SLC25A45: variants seen among roughly 807,000 people sequenced by gnomAD.
SLC25A45 encodes the protein methylated amino-acid transporter SLC25A45.
In SLC25A45, 22 loss-of-function variants were observed where a neutral mutation model predicts 23.0. The ratio of observed to expected loss-of-function variants is 0.95; its 90% CI spans 0.68 to 1.36. The LOEUF (loss-of-function observed/expected upper bound fraction) is 1.36. Ranked by LOEUF, SLC25A45 falls within the 40% of genes most tolerant of loss-of-function variation. SLC25A45 has a pLI of 0.00. For synonymous variants in SLC25A45, 136 were observed against 155.0 expected (o/e 0.88, Z 0.91); for missense variants, 355 against 383.5 (o/e 0.93, Z 0.62).
chr11:65,380,034 G>T, intron 3 of SLC25A45, 96 bp from the exon 4 acceptor site: 2 of 1,582,486 alleles, frequency 1.3e-6, no homozygotes, highest in Non-Finnish European at 1.7e-6. Context: ...CAGCAGGAGA[G>T]GCAGGAAAGG....
chr11:65,376,526 T>C lies in SLC25A45; in HGVS notation c.748A>G (p.Ile250Val), dbSNP rs2137764711. The change falls in exon 7 of 7, where the codon ATC becomes GTC. Residue 250 changes from isoleucine (I) to valine (V), a missense_variant. By Grantham distance (29) the Ile-to-Val change is conservative. Transcript: ENST00000398802. ...QGMLDCMVSSIRQEGLGVFFR... is the reference protein window; with the variant it reads ...QGMLDCMVSSVRQEGLGVFFR... The stretch of plus-strand genomic sequence containing the variant: ...AAGACTCCCAGTCCTTCCTGCCGGA[T>C]GCTGCTCACCATGCAGTCCAGCATC... 1 of 1,614,210 alleles carries C rather than the reference T, an allele frequency of 6.2e-7. No individual in the cohort carries two copies. The highest frequency in any genetic ancestry group is 8.5e-7 in the Non-Finnish European group (1 of 1,180,036).
intron 5 of SLC25A45, chr11:65,377,385 G>T (rs1418205261): frequency 4.9e-6 from 6 of 1,228,218 alleles, no homozygotes; most frequent in East Asian, 8.4e-5. Context: ...GCAGGAGCAG[G>T]TTGGTTTCTG....
At chr11:65,378,784 G>T (rs59088766) in intron 5 of SLC25A45, 1 of 153,496 alleles carries the variant, frequency 6.5e-6, no homozygotes, top group East Asian at 1.9e-4. Flanking sequence ...ATTCAGCACC[G>T]GTTCCCACTG....
At chr11:65,377,516 G>T in intron 5 of SLC25A45, 1 of 668,104 alleles carries the variant, frequency 1.5e-6, no homozygotes, top group Non-Finnish European at 1.9e-6. Context: ...AGGTCCCCTC[G>T]TGAGTGCTGT....
In SLC25A45 at chr11:65,382,152, T is replaced by G; in HGVS notation, c.-18-183A>C. The G allele has an allele frequency of 1.6e-6, 1 of 618,802 alleles. No homozygotes were observed. 38.3% of individuals were successfully genotyped at this position (618,802 alleles called of 1,614,324 possible). ...CGGTGACCCTGGCCACCTGGAGGAG[T>G]CGTGCAGAGTACAGTCTCACGGGCC... is the stretch of plus-strand genomic sequence containing the variant. On this transcript the variant is annotated intron_variant, in intron 1 of 6. Transcript: ENST00000398802. The surrounding 1 kb of genome is among the most constrained non-coding windows in gnomAD (Gnocchi z 4.4).
Sources: gnomAD v4.1 joint callset for allele counts on GRCh38, gnomAD v4.1.1 for gene constraint, Gnocchi (gnomAD v3.1) non-coding constraint, MANE v1.5 for transcripts, NCBI Gene and HGNC (gene_info 2026-07-23, HGNC 2026-07-21) for gene names.